Variants in DCAF8L2 observed in about 807,000 individuals in gnomAD.
DCAF8L2 encodes DDB1- and CUL4-associated factor 8-like protein 2.
For missense variants in DCAF8L2, 430 were observed against 490.7 expected (o/e 0.88, Z 1.17); for synonymous variants, 200 against 190.9 (o/e 1.05, Z -0.39).
intron 3 of DCAF8L2, among the ~76,000 whole-genome samples, chrX:27,696,350 G>C (rs995283455): frequency 9.1e-6 from 1 of 109,296 alleles, no homozygotes; most frequent in Non-Finnish European, 1.9e-5. Context: ...GAAAGAGAAA[G>C]AAAATTGAAA....
upstream of DCAF8L2, among the ~76,000 whole-genome samples, chrX:27,588,635 C>T (rs746737754): frequency 9.5e-6 from 1 of 104,721 alleles, no homozygotes; most frequent in Non-Finnish European, 2.0e-5. Context: ...TGCAGCCTCA[C>T]CAGCATATGT....
chrX:27,517,861 A>G, the DCAF8L2 span: 18 of 1,077,283 alleles, frequency 1.7e-5, no homozygotes, highest in South Asian at 3.3e-4. Context: ...TAACATTCTC[A>G]GCATGAAGAA....
chrX:27,509,252 T>TGC, the DCAF8L2 span, among the ~76,000 whole-genome samples: 1 of 111,491 alleles, frequency 9.0e-6, no homozygotes, highest in African/African-American at 3.3e-5. Context: ...AGCTGAGATT[T>TGC]CAACATCATG....
intron 2 of DCAF8L2, among the ~76,000 whole-genome samples, chrX:27,657,851 C>A (rs1310929329): frequency 1.8e-5 from 2 of 112,264 alleles, no homozygotes; most frequent in East Asian, 5.6e-4. Flanking sequence ...ATAACTGATT[C>A]TATTTTATTA....
upstream of DCAF8L2, among the ~76,000 whole-genome samples, chrX:27,588,083 T>G (rs1192262207): frequency 3.8e-5 from 4 of 106,380 alleles, no homozygotes; most frequent in Non-Finnish European, 7.7e-5. Context: ...TATTGCATGA[T>G]GCTGAGGTTT....
chrX:27,481,935 A>T, the DCAF8L2 span, among the ~76,000 whole-genome samples: 6 of 111,602 alleles, frequency 5.4e-5, no homozygotes, highest in Non-Finnish European at 1.1e-4. Context: ...GTTGATTTGG[A>T]CATATTATAG....
chrX:27,525,526 A>C, the DCAF8L2 span, among the ~76,000 whole-genome samples: 1 of 111,817 alleles, frequency 8.9e-6, no homozygotes, highest in Non-Finnish European at 1.9e-5. Flanking sequence ...TAGCCCATTT[A>C]CATTTAGGGT....
chrX:27,627,537 T>TTGTGTGTGTG (rs58826584), intron 1 of DCAF8L2: 3 of 90,932 alleles, frequency 3.3e-5, no homozygotes, highest in African/African-American at 1.2e-4. Flanking sequence ...GTTGTTTTTG[T>TTGTGTGTGTG]TGTGTGTGTG....
intron 1 of DCAF8L2, among the ~76,000 whole-genome samples, chrX:27,628,545 C>G (rs1928140137): frequency 1.8e-5 from 2 of 111,193 alleles, no homozygotes; most frequent in South Asian, 7.6e-4. Context: ...TACACTCCCA[C>G]CAACAGTGTG....
the DCAF8L2 span, among the ~76,000 whole-genome samples, chrX:27,579,549 C>T: frequency 9.3e-6 from 1 of 107,179 alleles, no homozygotes; most frequent in African/African-American, 3.4e-5. Context: ...GCACATGTAC[C>T]CCAGAACTTA....
intron 1 of DCAF8L2, among the ~76,000 whole-genome samples, chrX:27,593,288 A>G (rs1926204646): frequency 9.0e-6 from 1 of 111,718 alleles, no homozygotes; most frequent in Admixed American, 9.5e-5. Flanking sequence ...GAATTTGACT[A>G]TTCTAGGTGC....
At chrX:27,501,843 G>A in the DCAF8L2 span, among the ~76,000 whole-genome samples, 2 of 110,694 alleles carry the variant, frequency 1.8e-5, no homozygotes, top group Non-Finnish European at 3.8e-5. Context: ...GGAGAATCGT[G>A]TTTTCAAGAT....
At chrX:27,699,638 G>T (rs1602748929) in intron 3 of DCAF8L2, among the ~76,000 whole-genome samples, 1 of 111,507 alleles carries the variant, frequency 9.0e-6, no homozygotes, top group East Asian at 2.8e-4. Context: ...AAAGTAGTGA[G>T]TTTCTGAAGT....
At chrX:27,562,803 C>T in the DCAF8L2 span, among the ~76,000 whole-genome samples, 7 of 112,105 alleles carry the variant, frequency 6.2e-5, no homozygotes, top group African/African-American at 2.3e-4. Flanking sequence ...TTCTCTGCCT[C>T]GGAAGCAAAA....
At chrX:27,528,110 T>A in the DCAF8L2 span, among the ~76,000 whole-genome samples, 64 of 99,219 alleles carry the variant, frequency 6.5e-4, no homozygotes, top group South Asian at 2.2e-3. Flanking sequence ...TAATTTAATT[T>A]AATTAATTAT....
At chrX:27,491,886 G>A in the DCAF8L2 span, among the ~76,000 whole-genome samples, 61 of 111,935 alleles carry the variant, frequency 5.4e-4, no homozygotes, top group African/African-American at 1.9e-3. Context: ...TGCTGGTATA[G>A]AGAAATGGAA....
the DCAF8L2 span, among the ~76,000 whole-genome samples, chrX:27,490,371 G>C: frequency 8.9e-6 from 1 of 112,318 alleles, no homozygotes; most frequent in Non-Finnish European, 1.9e-5. Flanking sequence ...AGGGGTACAA[G>C]TGTAGTTGTG....
the DCAF8L2 span, among the ~76,000 whole-genome samples, chrX:27,559,677 A>G: frequency 9.0e-6 from 1 of 111,480 alleles, no homozygotes; most frequent in Non-Finnish European, 1.9e-5. Flanking sequence ...TGGGATGGCT[A>G]ATGACAGTGG....
intron 1 of DCAF8L2, among the ~76,000 whole-genome samples, chrX:27,621,799 C>T (rs1927772953): frequency 9.1e-6 from 1 of 110,069 alleles, no homozygotes; most frequent in Admixed American, 9.7e-5. Context: ...TCGAGACAAG[C>T]CTGGGCAACA....
Sources: gnomAD v4.1 joint callset for allele counts (sites outside exome capture counted in the v4.1 genomes callset) on GRCh38, gnomAD v4.1.1 for gene constraint, MANE v1.5 for transcripts, NCBI Gene and HGNC (gene_info 2026-07-23, HGNC 2026-07-21) for gene names.